Variants in CAND2 observed in about 807,000 individuals in gnomAD.
CAND2 encodes cullin associated and neddylation dissociated 2 (putative).
In CAND2, 62 loss-of-function variants were observed where a neutral mutation model predicts 98.9. That is an observed-to-expected ratio of 0.63 (90% CI 0.51 to 0.77). The LOEUF (loss-of-function observed/expected upper bound fraction) is 0.77. Ranked by LOEUF, CAND2 falls within the 30% of genes least tolerant of loss-of-function variation. CAND2 has a pLI of 0.00. For missense variants in CAND2, 1,501 were observed against 1,655.2 expected (o/e 0.91, Z 1.62); for synonymous variants, 770 against 731.9 (o/e 1.05, Z -0.84).
rs1242041740 is a variant in CAND2, at chr3:12,826,837, T to C, written c.3211-603T>C. The stretch of plus-strand genomic sequence containing the variant: ...TGGGATCAGTAACATTTACTTTTTT[T>C]TTTTTTTTTTTGAGATGGAGTCTCG... On this transcript the variant is annotated intron_variant, in intron 12 of 14. Transcript: ENST00000456430. Among the ~76,000 whole-genome samples the C allele has an allele frequency of 6.0e-5, 9 of 149,488 alleles. No individual in the cohort carries two copies. In the East Asian group the frequency reaches 1.6e-3, roughly 26 times the overall value.
At chr3:12,798,853 T>A (rs1022472176) in intron 1 of CAND2, among the ~76,000 whole-genome samples, 4 of 151,898 alleles carry the variant, frequency 2.6e-5, no homozygotes, top group Non-Finnish European at 5.9e-5. Context: ...TGGCCAAGGG[T>A]TTCAGCTGAG....
At chr3:12,818,000 T>A in intron 10 of CAND2, 124 bp downstream of exon 10, 1 of 874,438 alleles carries the variant, frequency 1.1e-6, no homozygotes, top group Non-Finnish European at 1.6e-6. Context: ...ACGGTATCTA[T>A]ACGACAGAGG....
intron 1 of CAND2, among the ~76,000 whole-genome samples, chr3:12,799,750 T>A (rs1364775428): frequency 1.3e-5 from 2 of 152,134 alleles, no homozygotes; most frequent in Non-Finnish European, 2.9e-5. Context: ...GTGGCCAGAC[T>A]TGTATTGCAG....
chr3:12,815,246 C>T lies in CAND2; in HGVS notation c.1112C>T (p.Pro371Leu), dbSNP rs2061887817. ...ALISSRPDLL[P>L]DFHCTLAPVL... ...ATCAGCTCGCGGCCTGACCTGCTGC[C>T]CGATTTCCACTGCACCCTGGCACCT... is the stretch of plus-strand genomic sequence containing the variant. The change falls in exon 8 of 15, where the codon CCC (proline) becomes CTC (leucine). Residue 371 changes from proline (P) to leucine (L), a missense_variant. Physicochemically the swap from Pro to Leu is moderately conservative, Grantham distance 98. Around this residue, in one of 3 missense-constraint regions of CAND2, gnomAD observed 1,427 missense variants for 1,545.3 expected, o/e 0.92. Coordinates refer to ENST00000456430, the MANE Select transcript of CAND2 (RefSeq NM_001162499.2). This position sits in a 1 kb window ranked among gnomAD's most constrained non-coding sequence, Gnocchi z 5.7. 2.5e-6 allele frequency: 4 copies of T among 1,613,884 alleles called. No homozygotes were observed. The East Asian group carries it at 8.9e-5, about 36-fold the overall frequency.
In CAND2 at chr3:12,817,660, C is replaced by T. The variant is rs1184566206; in HGVS notation, c.2728C>T (p.Arg910Ter). 10 of 1,611,688 alleles carry T rather than the reference C, an allele frequency of 6.2e-6. No individual in the cohort carries two copies. The highest frequency in any genetic ancestry group is 2.7e-5 in the African/African-American group (2 of 74,940). The change falls in exon 10 of 15, where the codon CGA (arginine) becomes TGA (stop). Residue 910 changes from arginine to a stop codon, truncating the protein, a stop_gained. Transcript: ENST00000456430. LOFTEE classifies it high-confidence loss of function. Reference protein sequence around the residue: ...LLEQIEAEPRRQYLLLHSLRE... With the variant: ...LLEQIEAEPR Reference sequence around the variant, plus strand: ...GGAGCAGATCGAGGCTGAGCCCCGACGACAGTACCTGCTGCTGCACTCACT... The same window carrying T: ...GGAGCAGATCGAGGCTGAGCCCCGATGACAGTACCTGCTGCTGCACTCACT...
chr3:12,810,446 T>A, intron 5 of CAND2, 122 bp downstream of exon 5: 2 of 621,388 alleles, frequency 3.2e-6, no homozygotes, highest in Non-Finnish European at 2.1e-6. Flanking sequence ...GTGGGCCGTC[T>A]GCCTTGGTAG....
rs1240440777 is a variant in CAND2, at chr3:12,810,071, G to T, written c.504G>T (p.Pro168=). The T allele has an allele frequency of 7.0e-7, 1 of 1,427,788 alleles. No homozygotes were observed. The highest frequency in any genetic ancestry group is 9.2e-7 in the Non-Finnish European group (1 of 1,091,232). 88.4% of individuals were successfully genotyped at this position (1,427,788 alleles called of 1,614,324 possible). A position where few individuals can be genotyped will look rare whatever the true frequency, so the allele number is the denominator to read the frequency against. Residue 168 remains proline, a synonymous_variant, in exon 5 of 15, where the codon CCG becomes CCT. Transcript: ENST00000456430. ...TCGTGCTCCCCAGGCTGGGTGTCCC[G>T]CTGGGCGCCTTCCACGCCAGCCTCC... The part of the protein sequence containing the change: ...LSDMLSRLGV[P]LGAFHASLLH...
chr3:12,799,247 C>T (rs916373943), intron 1 of CAND2, among the ~76,000 whole-genome samples: 1 of 152,024 alleles, frequency 6.6e-6, no homozygotes, highest in African/African-American at 2.4e-5. Flanking sequence ...TTGAAACCTC[C>T]CAAGGATACT....
chr3:12,825,586 A>G lies in CAND2; in HGVS notation c.3157A>G (p.Ile1053Val). The G allele has an allele frequency of 6.2e-7, 1 of 1,610,742 alleles. No homozygotes were observed. The highest frequency in any genetic ancestry group is 8.5e-7 in the Non-Finnish European group (1 of 1,178,764). Residue 1053 changes from isoleucine to valine, a missense_variant, in exon 12 of 15, where the codon ATC (isoleucine) becomes GTC (valine). Physicochemically the swap from Ile to Val is conservative, Grantham distance 29. Transcript: ENST00000456430. ...GCTAGTCCGGGACCTGCTGGATGAC[A>G]TCCTGCCCCTCCTCTACCAGGAGAC... is the stretch of plus-strand genomic sequence containing the variant. ...PSLVRDLLDD[I>V]LPLLYQETKI...
intron 14 of CAND2, 134 bp from the exon 15 acceptor site, chr3:12,833,621 C>A: frequency 1.4e-6 from 1 of 717,868 alleles, no homozygotes; most frequent in Non-Finnish European, 2.4e-6. Flanking sequence ...AGACAGAAGC[C>A]TCAGGAGACC....
At chr3:12,812,947 G>C in intron 5 of CAND2, 43 bp from the exon 6 acceptor site, 1 of 1,282,388 alleles carries the variant, frequency 7.8e-7, no homozygotes. Context: ...GGAACTCCGG[G>C]AGAGTGTCTG....
At chr3:12,806,011 T>C (rs1180841583) in intron 2 of CAND2, among the ~76,000 whole-genome samples, 3 of 152,240 alleles carry the variant, frequency 2.0e-5, no homozygotes, top group African/African-American at 7.2e-5. Flanking sequence ...ATTACGTAGA[T>C]AGAGGAGCTG....
chr3:12,799,954 A>C (rs796661656), intron 1 of CAND2, among the ~76,000 whole-genome samples: 9 of 152,310 alleles, frequency 5.9e-5, no homozygotes, highest in African/African-American at 2.2e-4. Context: ...CGGGGATAGA[A>C]GGCCTATCTT....
intron 13 of CAND2, among the ~76,000 whole-genome samples, chr3:12,830,292 T>C (rs1402729530): frequency 6.6e-6 from 1 of 152,194 alleles, no homozygotes; most frequent in Non-Finnish European, 1.5e-5. Flanking sequence ...GTGTATGCCA[T>C]GCAAACTAGT....
chr3:12,814,432 A>C (rs1461743799), intron 7 of CAND2, among the ~76,000 whole-genome samples: 2 of 152,178 alleles, frequency 1.3e-5, no homozygotes, highest in Non-Finnish European at 2.9e-5. Context: ...ATCGTCTGTA[A>C]AATGGAGCTT....
chr3:12,817,592 G>C lies in CAND2; in HGVS notation c.2660G>C (p.Arg887Pro). The change falls in exon 10 of 15, where the codon CGT becomes CCT. Residue 887 changes from arginine (R) to proline (P), a missense_variant. Transcript: ENST00000456430. ...GCTGCAGCCTCGTATGCACTGGGCC[G>C]TGTGGGTGCTGGCAGCCTGCCCGAC... The part of the protein sequence containing the change: ...VRAAASYALG[R>P]VGAGSLPDFL... 1 of 1,613,858 alleles carries C rather than the reference G, an allele frequency of 6.2e-7. No homozygotes were observed. The highest frequency in any genetic ancestry group is 8.5e-7 in the Non-Finnish European group (1 of 1,180,008).
In CAND2 at chr3:12,807,287, C is replaced by A. The variant is rs1325428435; in HGVS notation, c.213-19C>A. ...CTGAACCTTGTGCCCTTGGATTCAC[C>A]TTCCCACTCCCTGCTCAGCCTGGGT... On this transcript the variant is annotated intron_variant, in intron 2 of 14. Transcript: ENST00000456430. The A allele has an allele frequency of 6.5e-7, 1 of 1,548,644 alleles. No homozygotes were observed. The highest frequency in any genetic ancestry group is 8.7e-7 in the Non-Finnish European group (1 of 1,144,768).
At chr3:12,796,978 G>C (rs542654471) in intron 1 of CAND2, among the ~76,000 whole-genome samples, 190 bp downstream of exon 1, 214 of 149,278 alleles carry the variant, frequency 1.4e-3, no homozygotes, top group African/African-American at 5.2e-3. Flanking sequence ...AGCTCCGGCC[G>C]TTCTCCCCTA....
chr3:12,817,534 G>C lies in CAND2; in HGVS notation c.2602G>C (p.Glu868Gln). Residue 868 changes from glutamate to glutamine, a missense_variant, in exon 10 of 15, where the codon GAA becomes CAA. Glu to Gln is a conservative substitution (Grantham distance 29, BLOSUM62 2). Around this residue, in one of 3 missense-constraint regions of CAND2, gnomAD observed 1,427 missense variants for 1,545.3 expected, o/e 0.92. Transcript: ENST00000456430. ...HQRELKAVLL[E>Q]ALGSPSEDVR... is the part of the protein sequence containing the mutation. ...GCGGGAGCTGAAGGCGGTGCTCCTG[G>C]AAGCTTTGGGGTCACCCAGTGAGGA... The C allele has an allele frequency of 6.2e-7, 1 of 1,613,850 alleles. No individual in the cohort carries two copies. The highest frequency in any genetic ancestry group is 2.2e-5 in the East Asian group (1 of 44,876).
Sources: allele counts gnomAD v4.1 joint callset (sites outside exome capture counted in the v4.1 genomes callset), GRCh38; gene constraint gnomAD v4.1.1; regional missense constraint gnomAD v4.1.1; non-coding constraint Gnocchi (gnomAD v3.1); transcripts MANE v1.5; gene names NCBI Gene and HGNC (gene_info 2026-07-23, HGNC 2026-07-21).